PCCA: variants seen among roughly 807,000 people sequenced by gnomAD.
The protein encoded by PCCA is propionyl-CoA carboxylase alpha chain, mitochondrial.
PCCA carries 74 observed loss-of-function variants against 101.3 expected under a neutral mutation model. The observed-to-expected ratio is 0.73, with a 90% CI of 0.61 to 0.89. The LOEUF (loss-of-function observed/expected upper bound fraction) is 0.89. Among genes scored for constraint, PCCA ranks in the 40% least tolerant of loss-of-function variants. The pLI, the probability that PCCA is intolerant of heterozygous loss-of-function variation, is 0.00. For synonymous variants in PCCA, 294 were observed against 313.6 expected (o/e 0.94, Z 0.66); for missense variants, 891 against 907.0 (o/e 0.98, Z 0.23).
chr13:100,314,743 C>T (rs932270683), intron 16 of PCCA, among the ~76,000 whole-genome samples: 13 of 152,248 alleles, frequency 8.5e-5, no homozygotes, highest in African/African-American at 3.1e-4. Flanking sequence ...TCAAACATGT[C>T]AAGGTCAGGA....
intron 7 of PCCA, among the ~76,000 whole-genome samples, chr13:100,234,724 A>G (rs898161222): frequency 6.6e-6 from 1 of 150,676 alleles, no homozygotes; most frequent in Non-Finnish European, 1.5e-5. Context: ...GGATTCTGAC[A>G]TGGTTGCTCT....
chr13:100,264,004 C>CGGTATCTGTATATT (rs2062730974), intron 10 of PCCA, among the ~76,000 whole-genome samples: 1 of 144,922 alleles, frequency 6.9e-6, no homozygotes, highest in African/African-American at 2.6e-5. Flanking sequence ...ATCTGTATAT[C>CGGTATCTGTATATT]GTATATATAC....
At chr13:100,201,134 A>G (rs1277436691) in intron 6 of PCCA, among the ~76,000 whole-genome samples, 1 of 151,558 alleles carries the variant, frequency 6.6e-6, no homozygotes, top group East Asian at 1.9e-4. Context: ...CTGTAATATT[A>G]AAAAAAAAGT....
chr13:100,463,336 G>GTTTTTTTTTTTT (rs574359198), intron 21 of PCCA, among the ~76,000 whole-genome samples: 2 of 114,332 alleles, frequency 1.7e-5, no homozygotes, highest in African/African-American at 6.9e-5. Flanking sequence ...TATTGGTGTG[G>GTTTTTTTTTTTT]TTTTTTTTTT....
At chr13:100,520,470 C>T (rs2087155040) in intron 22 of PCCA, among the ~76,000 whole-genome samples, 1 of 151,686 alleles carries the variant, frequency 6.6e-6, no homozygotes, top group Non-Finnish European at 1.5e-5. Context: ...CCCGTCTCTA[C>T]TAAAAATACA....
chr13:100,252,269 A>C (rs1175249366), intron 8 of PCCA, among the ~76,000 whole-genome samples: 3 of 152,222 alleles, frequency 2.0e-5, no homozygotes, highest in African/African-American at 4.8e-5. Context: ...TTCCTTGAGG[A>C]AACAAAGGCC....
intron 6 of PCCA, among the ~76,000 whole-genome samples, chr13:100,185,096 C>T (rs1326949110): frequency 1.3e-5 from 2 of 152,234 alleles, no homozygotes; most frequent in South Asian, 2.1e-4. Context: ...CAAATGTCTG[C>T]ACCCTAGAAG....
At position 100,155,009 on chromosome 13, in the gene PCCA, T is replaced by A. The variant is rs139268785; in HGVS notation, c.331T>A (p.Cys111Ser). ...VHVKMADEAV[C>S]VGPAPTSKSY... Reference sequence around the variant, plus strand: ...TGTGAAAATGGCGGATGAGGCTGTCTGTGTTGGCCCAGCTCCCACCAGTAA... The same window carrying A: ...TGTGAAAATGGCGGATGAGGCTGTCAGTGTTGGCCCAGCTCCCACCAGTAA... The change falls in exon 5 of 24, where the codon TGT (cysteine) becomes AGT (serine). Residue 111 changes from cysteine (C) to serine (S), a missense_variant. Transcript: ENST00000376285. 1.5e-5 allele frequency: 25 copies of A among 1,613,982 alleles called. No individual in the cohort carries two copies. Among genetic ancestry groups the A allele is most frequent in the Non-Finnish European group, 2.1e-5 (25 of 1,179,972 alleles).
chr13:100,346,073 ATGT>A (rs1001665123), intron 18 of PCCA, among the ~76,000 whole-genome samples: 5 of 152,182 alleles, frequency 3.3e-5, no homozygotes, highest in African/African-American at 9.7e-5. Context: ...AAGGAGATTA[ATGT>A]TGTTTTCACG....
chr13:100,405,353 T>G (rs2077610166), intron 19 of PCCA, among the ~76,000 whole-genome samples: 1 of 152,222 alleles, frequency 6.6e-6, no homozygotes, highest in African/African-American at 2.4e-5. Context: ...GATTGCTGGT[T>G]GGTTTACAGG....
chr13:100,092,408 G>T (rs527633261), intron 1 of PCCA, among the ~76,000 whole-genome samples: 34 of 151,126 alleles, frequency 2.2e-4, no homozygotes, highest in South Asian at 4.2e-4. Context: ...TTTGAGATGG[G>T]GTCTGGCTCT....
rs1351343537 is a variant in PCCA at position 100,286,911 on chromosome 13, ATCTTC to A, written c.1065+13570_1065+13574del. Among the ~76,000 whole-genome samples the A allele has an allele frequency of 4.6e-5, 7 of 152,106 alleles. No homozygotes were observed. In the East Asian group the frequency reaches 9.7e-4, roughly 21 times the overall value. ...TATTTGTATGCAGTTTAATTTTTAA[ATCTTC>A]TCTTTGTGATTTCAGGAGTGACATA... On this transcript the variant is annotated intron_variant, in intron 12 of 23. Coordinates refer to ENST00000376285, the MANE Select transcript of PCCA (RefSeq NM_000282.4).
chr13:100,388,232 G>A (rs1248066571), intron 19 of PCCA, among the ~76,000 whole-genome samples: 1 of 152,226 alleles, frequency 6.6e-6, no homozygotes, highest in Non-Finnish European at 1.5e-5. Flanking sequence ...AGTTTAAGAG[G>A]CTGAGGCAGG....
chr13:100,160,994 G>A (rs191568766), intron 6 of PCCA: 8 of 152,324 alleles, frequency 5.3e-5, no homozygotes, highest in East Asian at 1.9e-4. Flanking sequence ...AAAGATACAC[G>A]TATATGTAGA....
Position 100,455,667 on chromosome 13 carries a change from G to C in PCCA, c.1899+6362G>C, listed in dbSNP as rs148494647. 2.4e-4 allele frequency among the ~76,000 whole-genome samples: 37 copies of C among 152,064 alleles called. No homozygotes were observed. The East Asian group carries it at 6.2e-3, about 25-fold the overall frequency. ...ACTACCCGAAGCATTTTGGTACGTGGGTATATGTGTACTGATGGCACATAT... is the reference window on the plus strand; with the variant it reads ...ACTACCCGAAGCATTTTGGTACGTGCGTATATGTGTACTGATGGCACATAT... On this transcript the variant is annotated intron_variant, in intron 21 of 23. Coordinates refer to ENST00000376285, the MANE Select transcript of PCCA (RefSeq NM_000282.4).
At chr13:100,255,127 A>T (rs1363893899) in intron 8 of PCCA, among the ~76,000 whole-genome samples, 1 of 151,862 alleles carries the variant, frequency 6.6e-6, no homozygotes, top group Non-Finnish European at 1.5e-5. Flanking sequence ...CTTCCTCCCA[A>T]CATTTTTCTG....
intron 13 of PCCA, among the ~76,000 whole-genome samples, chr13:100,302,566 A>C (rs1420476178): frequency 6.6e-6 from 1 of 152,162 alleles, no homozygotes; most frequent in Non-Finnish European, 1.5e-5. Flanking sequence ...AAGAAAAACA[A>C]ATATCTTTAG....
chr13:100,201,757 T>C (rs1207311551), intron 6 of PCCA, among the ~76,000 whole-genome samples: 8 of 142,364 alleles, frequency 5.6e-5, no homozygotes, highest in Non-Finnish European at 1.2e-4. Context: ...CTTGGGAGGC[T>C]GAGGCAGGAG....
In PCCA at chr13:100,390,505, G is replaced by C. The variant is rs953201443; in HGVS notation, c.1746+21931G>C. Among the ~76,000 whole-genome samples the C allele has an allele frequency of 1.1e-4, 16 of 152,092 alleles. 1 individual carries two copies. Among genetic ancestry groups the C allele is most frequent in the Admixed American group, 1.3e-4 (2 of 15,266 alleles). On this transcript the variant is annotated intron_variant, in intron 19 of 23. Coordinates refer to ENST00000376285, the MANE Select transcript of PCCA (RefSeq NM_000282.4). Reference sequence around the variant, plus strand: ...TGAATTGAGGAGAAAGTAGAAAAGGGAAGAGGACCAAGAAAGATGAAACCT... The same window carrying C: ...TGAATTGAGGAGAAAGTAGAAAAGGCAAGAGGACCAAGAAAGATGAAACCT...
Sources: allele counts gnomAD v4.1 joint callset (sites outside exome capture counted in the v4.1 genomes callset), GRCh38; gene constraint gnomAD v4.1.1; transcripts MANE v1.5; gene names NCBI Gene and HGNC (gene_info 2026-07-23, HGNC 2026-07-21).